The following GCNT2 variants were observed in gnomAD, a reference collection of about 807,000 sequenced individuals.
The protein encoded by GCNT2 is glucosaminyl (N-acetyl) transferase 2 (I blood group).
Under a neutral mutation model 34.2 loss-of-function variants are expected in GCNT2, and 34 were observed. The observed-to-expected ratio is 1.00, with a 90% CI of 0.76 to 1.32. The LOEUF (loss-of-function observed/expected upper bound fraction) is 1.32. Ranked by LOEUF, GCNT2 falls within the 40% of genes most tolerant of loss-of-function variation. The pLI is 0.00. For synonymous variants in GCNT2, 212 were observed against 188.0 expected (o/e 1.13, Z -1.04); for missense variants, 584 against 489.4 (o/e 1.19, Z -1.82).
In GCNT2 at chr6:10,595,679, C is replaced by G. The variant is rs376182250; in HGVS notation, c.926-25672C>G. Among the ~76,000 whole-genome samples, 9 of 149,284 alleles carry G rather than the reference C, an allele frequency of 6.0e-5. No homozygotes were observed. The East Asian group carries it at 7.7e-4, about 13-fold the overall frequency. ...GAAAGGAAATCAACATAGCCAAGATCTGAAAAAAAATGAGAGCCTTTTCAC... is the reference window on the plus strand; with the variant it reads ...GAAAGGAAATCAACATAGCCAAGATGTGAAAAAAAATGAGAGCCTTTTCAC... On this transcript the variant is annotated intron_variant, in intron 3 of 4. Transcript: ENST00000495262.
intron 3 of GCNT2, among the ~76,000 whole-genome samples, chr6:10,554,314 AATCGACT>A (rs1431891704): frequency 6.6e-6 from 1 of 152,228 alleles, no homozygotes; most frequent in Non-Finnish European, 1.5e-5. Flanking sequence ...CTGGGAGGAA[AATCGACT>A]ATATTTTTCA....
Position 10,592,378 on chromosome 6 carries a change from G to T in GCNT2, c.926-28973G>T, listed in dbSNP as rs1764688420. Among the ~76,000 whole-genome samples the T allele has an allele frequency of 2.0e-5, 3 of 152,116 alleles. No homozygotes were observed. The South Asian group carries it at 6.2e-4, about 32-fold the overall frequency. On this transcript the variant is annotated intron_variant, in intron 3 of 4. Coordinates refer to ENST00000495262, the MANE Select transcript of GCNT2 (RefSeq NM_145649.5). ...GGCTTATTTAACCTCTTCAGTAAAG[G>T]GCTCTAGGCTCTTCCCAGGTCAGTA...
chr6:10,574,120 G>A (rs943530653), intron 3 of GCNT2, among the ~76,000 whole-genome samples: 8 of 152,198 alleles, frequency 5.3e-5, no homozygotes, highest in Non-Finnish European at 7.3e-5. Context: ...CGTTCTTAAT[G>A]TCTCCATTCT....
chr6:10,545,944 G>A (rs1219424864), intron 3 of GCNT2, among the ~76,000 whole-genome samples: 1 of 152,204 alleles, frequency 6.6e-6, no homozygotes, highest in Non-Finnish European at 1.5e-5. Flanking sequence ...TTGTTCCAAA[G>A]GTTGCAGGGT....
At chr6:10,536,394 T>C (rs1425023029) in intron 3 of GCNT2, among the ~76,000 whole-genome samples, 1 of 152,012 alleles carries the variant, frequency 6.6e-6, no homozygotes, top group African/African-American at 2.4e-5. Flanking sequence ...CTTGCTCTGT[T>C]GCCCAGGCTG....
At chr6:10,603,991 G>C (rs1000598494) in intron 3 of GCNT2, among the ~76,000 whole-genome samples, 11 of 151,784 alleles carry the variant, frequency 7.2e-5, no homozygotes, top group Non-Finnish European at 1.3e-4. Context: ...CGCCGCCCCG[G>C]TTCAAACGAT....
chr6:10,578,277 A>C (rs1333278658), intron 3 of GCNT2, among the ~76,000 whole-genome samples: 2 of 150,902 alleles, frequency 1.3e-5, no homozygotes, highest in Admixed American at 6.6e-5. Context: ...GCTACTCTGG[A>C]GTCTGAGGCA....
intron 3 of GCNT2, among the ~76,000 whole-genome samples, chr6:10,572,536 T>C (rs949799244): frequency 6.6e-6 from 1 of 151,892 alleles, no homozygotes; most frequent in Non-Finnish European, 1.5e-5. Flanking sequence ...ATCGAGACCA[T>C]CCTGGCCAAC....
intron 1 of GCNT2, among the ~76,000 whole-genome samples, chr6:10,526,363 G>C (rs963822890): frequency 2.6e-5 from 4 of 152,096 alleles, no homozygotes; most frequent in African/African-American, 9.7e-5. Flanking sequence ...ATCATTTCCT[G>C]TGTTCCTGAC....
At chr6:10,586,574 C>T (rs780297302) in intron 3 of GCNT2, 1 of 1,614,146 alleles carries the variant, frequency 6.2e-7, no homozygotes, top group Non-Finnish European at 8.5e-7. Flanking sequence ...GACAAGACTT[C>T]CCCCTGAAAA....
At chr6:10,573,578 C>A (rs1227994255) in intron 3 of GCNT2, among the ~76,000 whole-genome samples, 1 of 152,238 alleles carries the variant, frequency 6.6e-6, no homozygotes, top group African/African-American at 2.4e-5. Flanking sequence ...CTTTCTACTA[C>A]TGCCTTTTAA....
At chr6:10,547,925 G>C (rs1320220872) in intron 3 of GCNT2, among the ~76,000 whole-genome samples, 1 of 152,158 alleles carries the variant, frequency 6.6e-6, no homozygotes, top group African/African-American at 2.4e-5. Context: ...AATTGTCCCA[G>C]ACTTGGCCAG....
At chr6:10,618,320 G>A (rs1414097544) in intron 3 of GCNT2, among the ~76,000 whole-genome samples, 2 of 152,174 alleles carry the variant, frequency 1.3e-5, no homozygotes, top group African/African-American at 4.8e-5. Context: ...TTGAAGTTGA[G>A]GTTTGGAATT....
At chr6:10,523,991 AAAC>A (rs1761062940) in intron 1 of GCNT2, among the ~76,000 whole-genome samples, 1 of 150,624 alleles carries the variant, frequency 6.6e-6, no homozygotes, top group South Asian at 2.1e-4. Flanking sequence ...AAAAAAAAAA[AAAC>A]CAAGACTAAG....
At chr6:10,617,743 A>ATTTTTTTTTTTTTTTTTTTTTTTTTTTT (rs1254996839) in intron 3 of GCNT2, among the ~76,000 whole-genome samples, 1 of 112,808 alleles carries the variant, frequency 8.9e-6, no homozygotes. Flanking sequence ...CAGAGTCTGC[A>ATTTTTTTTTTTTTTTTTTTTTTTTTTTT]TTTCTTCTTT....
chr6:10,591,386 G>A (rs963135451), intron 3 of GCNT2, among the ~76,000 whole-genome samples: 2 of 152,190 alleles, frequency 1.3e-5, no homozygotes, highest in African/African-American at 2.4e-5. Context: ...TGGAGAAACA[G>A]TAGGTAAAAC....
At chr6:10,565,793 CCTT>C (rs771879390) in intron 3 of GCNT2, among the ~76,000 whole-genome samples, 11 of 152,042 alleles carry the variant, frequency 7.2e-5, no homozygotes, top group Non-Finnish European at 1.2e-4. Context: ...CGTCGTCTAC[CCTT>C]CTTCTTTCTC....
chr6:10,548,446 T>C (rs367573166), intron 3 of GCNT2, among the ~76,000 whole-genome samples: 6 of 152,186 alleles, frequency 3.9e-5, no homozygotes, highest in Admixed American at 6.5e-5. Context: ...CCTGAGTGAT[T>C]AGGGGCAAAC....
At chr6:10,522,631 G>A (rs1760973801) in intron 1 of GCNT2, among the ~76,000 whole-genome samples, 1 of 152,138 alleles carries the variant, frequency 6.6e-6, no homozygotes, top group African/African-American at 2.4e-5. Context: ...GAAGAAGGGA[G>A]GCTATATTCT....
Sources: allele counts gnomAD v4.1 joint callset (sites outside exome capture counted in the v4.1 genomes callset), GRCh38; gene constraint gnomAD v4.1.1; transcripts MANE v1.5; gene names NCBI Gene and HGNC (gene_info 2026-07-23, HGNC 2026-07-21).